GALNT10: variants seen among roughly 807,000 people sequenced by gnomAD.
The protein encoded by GALNT10 is GalNAc transferase 10.
In GALNT10, 41 loss-of-function variants were observed where a neutral mutation model predicts 75.0. The observed-to-expected ratio is 0.55, with a 90% CI of 0.43 to 0.71. GALNT10 has a LOEUF of 0.71. Among genes scored for constraint, GALNT10 ranks in the 30% least tolerant of loss-of-function variants. The probability of loss-of-function intolerance (pLI) is 0.00; values close to 1 mark genes in which losing one functional copy is unlikely to be tolerated. For missense variants in GALNT10, 727 were observed against 818.5 expected, an observed-to-expected ratio of 0.89 and a Z score of 1.36; for synonymous variants, 302 against 313.0, an observed-to-expected ratio of 0.96 and a Z score of 0.37.
intron 4 of GALNT10, among the ~76,000 whole-genome samples, chr5:154,371,825 T>A (rs1011198936): frequency 2.0e-5 from 3 of 152,240 alleles, no homozygotes; most frequent in Admixed American, 2.0e-4. Flanking sequence ...TGCCCAACAC[T>A]GAGATAACTT....
chr5:154,214,861 C>A (rs2113650684), intron 1 of GALNT10, among the ~76,000 whole-genome samples: 1 of 152,328 alleles, frequency 6.6e-6, no homozygotes, highest in Non-Finnish European at 1.5e-5. Context: ...TGCTTTCCAA[C>A]TGCCTAACCT....
chr5:154,376,440 C>G lies in GALNT10; in HGVS notation c.732C>G (p.Val244=). 6.3e-7 allele frequency: 1 copy of G among 1,587,106 alleles called. No homozygotes were observed. Among genetic ancestry groups the G allele is most frequent in the Non-Finnish European group, 8.5e-7 (1 of 1,170,262 alleles). Residue 244 remains valine, a synonymous_variant, in exon 5 of 12, where the codon GTC becomes GTG. Transcript: ENST00000297107. The surrounding 1 kb of genome is among the most constrained non-coding windows in gnomAD (Gnocchi z 4.1). ...TGGATTCACACTGTGAAGCCAATGTCAACTGGCTTCCCCCCTTGCTTGGTA... is the reference window on the plus strand; with the variant it reads ...TGGATTCACACTGTGAAGCCAATGTGAACTGGCTTCCCCCCTTGCTTGGTA... The part of the protein sequence containing the change: ...TFLDSHCEAN[V]NWLPPLLDRI...
chr5:154,259,382 A>C (rs1376177074), intron 1 of GALNT10, among the ~76,000 whole-genome samples: 2 of 152,188 alleles, frequency 1.3e-5, no homozygotes, highest in African/African-American at 4.8e-5. Flanking sequence ...CATAGTCCTG[A>C]CATCTTATTA....
intron 1 of GALNT10, among the ~76,000 whole-genome samples, chr5:154,204,733 T>G (rs1014018553): frequency 6.6e-6 from 1 of 152,224 alleles, no homozygotes; most frequent in Non-Finnish European, 1.5e-5. Flanking sequence ...CAGAGAGGGC[T>G]TCCGTGAACA....
At chr5:154,191,736 G>A (rs955561927) in intron 1 of GALNT10, among the ~76,000 whole-genome samples, 3 of 152,258 alleles carry the variant, frequency 2.0e-5, no homozygotes, top group African/African-American at 4.8e-5. Flanking sequence ...TGGGGCTCTG[G>A]TGGGGGGACC....
At chr5:154,324,874 T>C (rs1754733291) in intron 3 of GALNT10, among the ~76,000 whole-genome samples, 1 of 152,186 alleles carries the variant, frequency 6.6e-6, no homozygotes, top group Non-Finnish European at 1.5e-5. Flanking sequence ...TGATAAACCT[T>C]ATTTCTGTAA....
intron 4 of GALNT10, among the ~76,000 whole-genome samples, chr5:154,340,619 C>A (rs1234402275): frequency 6.6e-6 from 1 of 152,160 alleles, no homozygotes; most frequent in Non-Finnish European, 1.5e-5. Context: ...AAAAAGTAGG[C>A]ATTAGTTCTA....
chr5:154,360,536 A>C (rs947018782), intron 4 of GALNT10, among the ~76,000 whole-genome samples: 1 of 152,192 alleles, frequency 6.6e-6, no homozygotes, highest in African/African-American at 2.4e-5. Context: ...GTGAAAAAAA[A>C]GCAAGTTGCA....
At chr5:154,332,926 A>G (rs1196214976) in intron 4 of GALNT10, among the ~76,000 whole-genome samples, 2 of 152,238 alleles carry the variant, frequency 1.3e-5, no homozygotes, top group Non-Finnish European at 2.9e-5. Context: ...CAGACATGGA[A>G]TAAACCAGAC....
chr5:154,335,971 G>C (rs933092464), intron 4 of GALNT10, among the ~76,000 whole-genome samples: 1 of 152,166 alleles, frequency 6.6e-6, no homozygotes, highest in African/African-American at 2.4e-5. Flanking sequence ...AAAATCCTCT[G>C]TGCTCCACCT....
Position 154,190,735 on chromosome 5 carries a change from G to A in GALNT10, c.-132G>A, listed in dbSNP as rs1194347680. 3 of 245,756 alleles carry A rather than the reference G, an allele frequency of 1.2e-5. No individual in the cohort carries two copies. The highest frequency in any genetic ancestry group is 6.7e-5 in the Admixed American group (1 of 14,912). 15.2% of individuals were successfully genotyped at this position (245,756 alleles called of 1,614,324 possible). A position where few individuals can be genotyped will look rare whatever the true frequency, so the allele number is the denominator to read the frequency against. On this transcript the variant is annotated 5_prime_UTR_variant, in exon 1 of 12. Transcript: ENST00000297107. ...CGGCGAGCGGCGGAAGTGCCGCGGAGTTGGAGCGGGGCCGGCGCCGCAGCC... is the reference window on the plus strand; with the variant it reads ...CGGCGAGCGGCGGAAGTGCCGCGGAATTGGAGCGGGGCCGGCGCCGCAGCC...
chr5:154,224,868 C>T (rs1753037530), intron 1 of GALNT10, among the ~76,000 whole-genome samples: 1 of 150,990 alleles, frequency 6.6e-6, no homozygotes, highest in Non-Finnish European at 1.5e-5. Flanking sequence ...GCAACCTCCA[C>T]TTCCCGGGTT....
At chr5:154,372,348 G>A (rs1328917559) in intron 4 of GALNT10, among the ~76,000 whole-genome samples, 1 of 152,176 alleles carries the variant, frequency 6.6e-6, no homozygotes, top group African/African-American at 2.4e-5. Context: ...TGGAGAAAGT[G>A]GGCACCGAAG....
chr5:154,275,558 A>G (rs991235945), intron 1 of GALNT10, among the ~76,000 whole-genome samples: 4 of 152,186 alleles, frequency 2.6e-5, no homozygotes, highest in African/African-American at 7.2e-5. Context: ...ATTTCTTCAA[A>G]TCTACAATTT....
intron 9 of GALNT10, among the ~76,000 whole-genome samples, chr5:154,411,629 C>T (rs908984128): frequency 1.3e-5 from 2 of 152,198 alleles, no homozygotes; most frequent in African/African-American, 4.8e-5. Context: ...AGAGCCCTTG[C>T]CTGGCTCAGC....
intron 7 of GALNT10, chr5:154,388,884 T>TGA: frequency 1.5e-5 from 1 of 67,020 alleles, no homozygotes; most frequent in African/African-American, 7.7e-5. Flanking sequence ...CCCCATCTCA[T>TGA]TAAAAAAAAA....
intron 1 of GALNT10, among the ~76,000 whole-genome samples, chr5:154,201,361 G>A: frequency 6.6e-6 from 1 of 152,024 alleles, no homozygotes; most frequent in East Asian, 1.9e-4. Context: ...CCAATAAGTT[G>A]ATGCTAATCC....
chr5:154,404,481 A>G (rs568646606), intron 8 of GALNT10, among the ~76,000 whole-genome samples: 40 of 152,320 alleles, frequency 2.6e-4, no homozygotes, highest in African/African-American at 9.4e-4. Context: ...AACTCCCAGC[A>G]TTGCCAGGAG....
At chr5:154,365,143 G>A (rs1755455826) in intron 4 of GALNT10, among the ~76,000 whole-genome samples, 1 of 152,208 alleles carries the variant, frequency 6.6e-6, no homozygotes, top group Non-Finnish European at 1.5e-5. Context: ...AAATAGGAGA[G>A]AGGAGTTAAT....
Sources: gnomAD v4.1 joint callset for allele counts (sites outside exome capture counted in the v4.1 genomes callset) on GRCh38, gnomAD v4.1.1 for gene constraint, Gnocchi (gnomAD v3.1) non-coding constraint, MANE v1.5 for transcripts, NCBI Gene and HGNC (gene_info 2026-07-23, HGNC 2026-07-21) for gene names.